RNF114: variants seen among roughly 807,000 people sequenced by gnomAD.
RNF114 encodes the protein E3 ubiquitin-protein ligase RNF114.
RNF114 carries 6 observed loss-of-function variants against 28.4 expected under a neutral mutation model. The ratio of observed to expected loss-of-function variants is 0.21; its 90% CI spans 0.12 to 0.42. RNF114 has a LOEUF of 0.42. Among genes scored for constraint, RNF114 ranks in the 10% least tolerant of loss-of-function variants. The pLI, the probability that RNF114 is intolerant of heterozygous loss-of-function variation, is 1.00. For synonymous variants in RNF114, 115 were observed against 116.7 expected, an observed-to-expected ratio of 0.99 and a Z score of 0.09; for missense variants, 249 against 311.7, an observed-to-expected ratio of 0.80 and a Z score of 1.51.
chr20:49,945,253 T>C, intron 2 of RNF114, 129 bp from the exon 3 acceptor site: 1 of 619,062 alleles, frequency 1.6e-6, no homozygotes, highest in Non-Finnish European at 3.0e-6. Context: ...ATCAGCGTAG[T>C]CAGGAGTTTG....
Position 49,941,672 on chromosome 20 carries a change from C to A in RNF114, c.252C>A (p.Ile84=). 1.2e-6 allele frequency: 2 copies of A among 1,612,758 alleles called. No homozygotes were observed. Among genetic ancestry groups the A allele is most frequent in the Non-Finnish European group, 1.7e-6 (2 of 1,179,656 alleles). ...GVRAVELERQ[I]ESTETSCHGC... Reference sequence around the variant, plus strand: ...GAGCCGTGGAGCTCGAGCGGCAGATCGAGAGCACAGAGACTTCTTGCCATG... The same window carrying A: ...GAGCCGTGGAGCTCGAGCGGCAGATAGAGAGCACAGAGACTTCTTGCCATG... Residue 84 remains isoleucine (I), a synonymous_variant, in exon 2 of 6, where the codon ATC becomes ATA. Coordinates refer to ENST00000244061, the MANE Select transcript of RNF114 (RefSeq NM_018683.4).
In RNF114 at chr20:49,945,183, C is replaced by T. The variant is rs917298292; in HGVS notation, c.292-199C>T. ...GTGGAAGTGGATATCCTGATTTAGT[C>T]GAATAAAATAGCAGCCTTGGTATTA... On this transcript the variant is annotated intron_variant, in intron 2 of 5. Coordinates refer to ENST00000244061, the MANE Select transcript of RNF114 (RefSeq NM_018683.4). 23 of 505,498 alleles carry T rather than the reference C, an allele frequency of 4.5e-5. 1 individual carries two copies. Among genetic ancestry groups the T allele is most frequent in the Non-Finnish European group, 2.5e-5 (7 of 278,254 alleles). 31.3% of individuals were successfully genotyped at this position (505,498 alleles called of 1,614,324 possible).
chr20:49,946,031 A>G (rs975353854), intron 3 of RNF114, 105 bp from the exon 4 acceptor site: 45 of 583,036 alleles, frequency 7.7e-5, no homozygotes, highest in Non-Finnish European at 1.3e-4. Context: ...CCTTATCATT[A>G]CACATTTGGT....
intron 1 of RNF114, among the ~76,000 whole-genome samples, chr20:49,939,918 G>T (rs1406786947): frequency 6.6e-6 from 1 of 151,882 alleles, no homozygotes; most frequent in Non-Finnish European, 1.5e-5. Flanking sequence ...GCTGGGTGTG[G>T]TCATGCGCGC....
intron 1 of RNF114, 57 bp downstream of exon 1, chr20:49,936,609 C>A: frequency 6.4e-7 from 1 of 1,552,654 alleles, no homozygotes; most frequent in South Asian, 1.2e-5. Flanking sequence ...GGAATGGAGC[C>A]GAGGAGCGAG....
At position 49,949,339 on chromosome 20, in the gene RNF114, C is replaced by T; in HGVS notation, c.605C>T (p.Ser202Phe). 6.2e-7 allele frequency: 1 copy of T among 1,613,876 alleles called. No homozygotes were observed. ...CACATCCAGCGCCGGCACCGGTTTT[C>T]TTATGACACTTTTGTGGTAAGTCTG... ...REHIQRRHRF[S>F]YDTFVDYDVD... Residue 202 changes from serine (S) to phenylalanine (F), a missense_variant, in exon 5 of 6, where the codon TCT (serine) becomes TTT (phenylalanine). Transcript: ENST00000244061.
rs765946103 is a variant in RNF114, at chr20:49,936,439, G to A, written c.27G>A (p.Gly9=). 5.8e-5 allele frequency: 89 copies of A among 1,540,586 alleles called. No individual in the cohort carries two copies. The highest frequency in any genetic ancestry group is 7.8e-5 in the Non-Finnish European group (89 of 1,144,532). Residue 9 remains glycine, a synonymous_variant, in exon 1 of 6, where the codon GGG becomes GGA. Transcript: ENST00000244061. ...TGGCGGCGCAACAGCGGGACTGCGG[G>A]GGTGCTGCGCAGCTGGCGGGGCCGG... The part of the protein sequence containing the change: MAAQQRDC[G]GAAQLAGPAA...
chr20:49,950,913 CAGG>C (rs1002129736), intron 5 of RNF114, among the ~76,000 whole-genome samples: 1 of 152,100 alleles, frequency 6.6e-6, no homozygotes, highest in African/African-American at 2.4e-5. Flanking sequence ...GAAAATTTCA[CAGG>C]AGGTTTCACA....
chr20:49,941,820 G>A, intron 2 of RNF114, 109 bp downstream of exon 2: 1 of 1,116,614 alleles, frequency 9.0e-7, no homozygotes, highest in Non-Finnish European at 1.3e-6. Flanking sequence ...GTCACTAACA[G>A]CACGCGTGCA....
chr20:49,940,775 C>T (rs192962956), intron 1 of RNF114, among the ~76,000 whole-genome samples: 8 of 151,386 alleles, frequency 5.3e-5, no homozygotes, highest in South Asian at 4.2e-4. Flanking sequence ...TCCACCCCCC[C>T]CTTGAGACAG....
chr20:49,945,196 A>C, intron 2 of RNF114, 186 bp from the exon 3 acceptor site: 1 of 530,396 alleles, frequency 1.9e-6, no homozygotes, highest in Non-Finnish European at 3.4e-6. Flanking sequence ...ATAAAATAGC[A>C]GCCTTGGTAT....
At chr20:49,950,423 C>A (rs1024233821) in intron 5 of RNF114, among the ~76,000 whole-genome samples, 1 of 151,192 alleles carries the variant, frequency 6.6e-6, no homozygotes, top group Non-Finnish European at 1.5e-5. Context: ...TTCATACCTA[C>A]AATCCTAGCA....
rs1401626538 is a variant in RNF114, at chr20:49,952,175, C to T, written c.*34C>T. On this transcript the variant is annotated 3_prime_UTR_variant, in exon 6 of 6. Coordinates refer to ENST00000244061, the MANE Select transcript of RNF114 (RefSeq NM_018683.4). ...CGTGCTTGCTATCTGTCTCATGTTA[C>T]AGAGCTTCCATTACATATTAAACGT... is the stretch of plus-strand genomic sequence containing the variant. The T allele has an allele frequency of 6.3e-7, 1 of 1,578,392 alleles. No individual in the cohort carries two copies. The highest frequency in any genetic ancestry group is 8.7e-7 in the Non-Finnish European group (1 of 1,147,432).
At chr20:49,951,593 C>T (rs1398227416) in intron 5 of RNF114, among the ~76,000 whole-genome samples, 1 of 152,146 alleles carries the variant, frequency 6.6e-6, no homozygotes, top group Non-Finnish European at 1.5e-5. Flanking sequence ...AAGAATCAGG[C>T]AGCAGACTGG....
At chr20:49,946,384 A>G in intron 4 of RNF114, 134 bp downstream of exon 4, 1 of 585,900 alleles carries the variant, frequency 1.7e-6, no homozygotes. Context: ...ATTTTACCAT[A>G]TTTGCTTAAC....
chr20:49,938,449 C>T (rs1245504386), intron 1 of RNF114, among the ~76,000 whole-genome samples: 1 of 152,232 alleles, frequency 6.6e-6, no homozygotes, highest in Non-Finnish European at 1.5e-5. Flanking sequence ...TCTCCTGTGC[C>T]TAGTTGATTT....
At chr20:49,945,514 T>A (rs1441512207) in intron 3 of RNF114, 26 bp downstream of exon 3, 1 of 1,380,584 alleles carries the variant, frequency 7.2e-7, no homozygotes, top group South Asian at 1.2e-5. Flanking sequence ...TCCCCTTAGG[T>A]GGAGGTCATC....
At position 49,936,559 on chromosome 20, in the gene RNF114, G is replaced by A. The variant is rs1446966498; in HGVS notation, c.140+7G>A. ...AGGTGCCCTGCGGACACGTGTAAGC[G>A]GCGAGCCCGGGCCTGGTCGGGGGGC... is the stretch of plus-strand genomic sequence containing the variant. On this transcript the variant is annotated splice_region_variant and intron_variant, in intron 1 of 5. Transcript: ENST00000244061. The A allele has an allele frequency of 6.3e-7, 1 of 1,581,432 alleles. No homozygotes were observed. The highest frequency in any genetic ancestry group is 8.6e-7 in the Non-Finnish European group (1 of 1,165,668).
At chr20:49,937,883 G>A (rs376745076) in intron 1 of RNF114, among the ~76,000 whole-genome samples, 2 of 152,122 alleles carry the variant, frequency 1.3e-5, no homozygotes, top group Non-Finnish European at 2.9e-5. Flanking sequence ...GACTGGAATG[G>A]CCTCTGTGTG....
Sources: allele counts gnomAD v4.1 joint callset (sites outside exome capture counted in the v4.1 genomes callset), GRCh38; gene constraint gnomAD v4.1.1; transcripts MANE v1.5; gene names NCBI Gene and HGNC (gene_info 2026-07-23, HGNC 2026-07-21).